The following NRDC variants were observed in gnomAD, a reference collection of about 807,000 sequenced individuals.
The protein encoded by NRDC is nardilysin.
Under a neutral mutation model 147.1 loss-of-function variants are expected in NRDC, and 54 were observed. The ratio of observed to expected loss-of-function variants is 0.37; its 90% CI spans 0.29 to 0.46. The LOEUF (loss-of-function observed/expected upper bound fraction) is 0.46, where lower values mean the gene tolerates loss of function less well. Among genes scored for constraint, NRDC ranks in the 20% least tolerant of loss-of-function variants. The probability of loss-of-function intolerance (pLI) is 1.00; values close to 1 mark genes in which losing one functional copy is unlikely to be tolerated. For synonymous variants in NRDC, 440 were observed against 482.1 expected, an observed-to-expected ratio of 0.91 and a Z score of 1.14; for missense variants, 1,082 against 1,370.6, an observed-to-expected ratio of 0.79 and a Z score of 3.33.
intron 1 of NRDC, among the ~76,000 whole-genome samples, chr1:51,842,651 CA>C (rs1000356374): frequency 6.6e-6 from 1 of 152,116 alleles, no homozygotes. Context: ...AAGCAAATCA[CA>C]AAAAAATACT....
At chr1:51,837,659 A>C (rs377376541) in intron 2 of NRDC, 1 of 1,457,602 alleles carries the variant, frequency 6.9e-7, no homozygotes, top group East Asian at 2.4e-5. Flanking sequence ...TTCTACCTAA[A>C]AAATTCAGAC....
intron 1 of NRDC, among the ~76,000 whole-genome samples, chr1:51,866,748 T>C (rs1175597611): frequency 6.6e-6 from 1 of 151,262 alleles, no homozygotes; most frequent in Non-Finnish European, 1.5e-5. Flanking sequence ...ATTTCTATAA[T>C]GCTTTAAAAC....
In NRDC at chr1:51,875,598, ACCC is replaced by A. The variant is rs1325479932; in HGVS notation, c.341+2674_341+2676del. On this transcript the variant is annotated intron_variant, in intron 1 of 30. Coordinates refer to ENST00000352171, the MANE Select transcript of NRDC (RefSeq NM_001101662.2). ...TTTTTTGAGACAGTGTCTCACTGCC[ACCC>A]AGGCTGGAGTGCAGTGGCACGATCA... 5.4e-3 allele frequency among the ~76,000 whole-genome samples: 821 copies of A among 152,228 alleles called. 2 individuals carry two copies. Among genetic ancestry groups the A allele is most frequent in the Non-Finnish European group, 8.6e-3 (583 of 68,016 alleles).
intron 24 of NRDC, among the ~76,000 whole-genome samples, chr1:51,793,750 C>T (rs961559902): frequency 2.6e-5 from 4 of 152,236 alleles, no homozygotes; most frequent in Non-Finnish European, 5.9e-5. Context: ...CCCAAGATAA[C>T]AGCAGCGGCT....
intron 1 of NRDC, among the ~76,000 whole-genome samples, chr1:51,851,475 A>G (rs1681944285): frequency 1.3e-5 from 2 of 151,744 alleles, no homozygotes; most frequent in Non-Finnish European, 2.9e-5. Flanking sequence ...GAGAAACACA[A>G]GTTCTATTTC....
chr1:51,862,159 T>A (rs751476646), intron 1 of NRDC: 6 of 152,334 alleles, frequency 3.9e-5, no homozygotes, highest in Non-Finnish European at 7.4e-5. Flanking sequence ...CTGGCATGGT[T>A]ATTTTCTTGG....
intron 14 of NRDC, among the ~76,000 whole-genome samples, chr1:51,812,961 C>CAAAA (rs5774107): frequency 4.2e-5 from 3 of 71,808 alleles, no homozygotes; most frequent in Admixed American, 1.9e-4. Flanking sequence ...GACTCTGTCT[C>CAAAA]AAAAAAAAAA....
intron 1 of NRDC, among the ~76,000 whole-genome samples, chr1:51,846,177 T>C (rs1412403692): frequency 6.6e-6 from 1 of 152,158 alleles, no homozygotes; most frequent in Non-Finnish European, 1.5e-5. Context: ...AGTGGTGCCG[T>C]CTCGGCTCAC....
intron 19 of NRDC, 40 bp from the exon 20 acceptor site, chr1:51,804,004 A>G (rs1679333388): frequency 1.3e-6 from 2 of 1,520,144 alleles, no homozygotes; most frequent in African/African-American, 2.8e-5. Context: ...TTAATTGGTA[A>G]GAAAGACACA....
At chr1:51,862,578 G>A (rs1459729459) in intron 1 of NRDC, among the ~76,000 whole-genome samples, 1 of 151,956 alleles carries the variant, frequency 6.6e-6, no homozygotes, top group Non-Finnish European at 1.5e-5. Context: ...TTTAAAATTA[G>A]CCCGAGGTGG....
In NRDC at chr1:51,794,493, A is replaced by G; in HGVS notation, c.2754T>C (p.Ser918=). Residue 918 remains serine, a synonymous_variant, in exon 24 of 31, where the codon TCT becomes TCC. Coordinates refer to ENST00000352171, the MANE Select transcript of NRDC (RefSeq NM_001101662.2). ...VKALNKGDAN[S]EVTVYYQSGT... ...TGACCTGGTAGTACACAGTGACTTC[A>G]GAGTTGGCATCACCCTTGTTCAGAG... is the stretch of plus-strand genomic sequence containing the variant. 1 of 1,614,196 alleles carries G rather than the reference A, an allele frequency of 6.2e-7. No individual in the cohort carries two copies. Among genetic ancestry groups the G allele is most frequent in the Non-Finnish European group, 8.5e-7 (1 of 1,180,014 alleles).
At chr1:51,832,793 C>A (rs1680777457) in intron 4 of NRDC, among the ~76,000 whole-genome samples, 2 of 152,204 alleles carry the variant, frequency 1.3e-5, no homozygotes, top group South Asian at 4.1e-4. Context: ...TCAGCAATTT[C>A]ACTGCTTAGA....
chr1:51,821,858 A>G (rs1680225400), intron 7 of NRDC, among the ~76,000 whole-genome samples: 1 of 152,206 alleles, frequency 6.6e-6, no homozygotes. Context: ...ACCAAGAGAT[A>G]AGATTATGCC....
chr1:51,821,818 T>C (rs1349947586), intron 7 of NRDC, among the ~76,000 whole-genome samples: 1 of 152,130 alleles, frequency 6.6e-6, no homozygotes, highest in East Asian at 1.9e-4. Flanking sequence ...AACAAAAAAA[T>C]ATATCTTTAG....
chr1:51,859,415 GT>G (rs1332065535), intron 1 of NRDC, among the ~76,000 whole-genome samples: 1 of 152,230 alleles, frequency 6.6e-6, no homozygotes, highest in African/African-American at 2.4e-5. Context: ...AGGTCTGGAT[GT>G]ATGCCCACAG....
intron 4 of NRDC, among the ~76,000 whole-genome samples, chr1:51,830,604 G>A (rs574477455): frequency 2.3e-4 from 35 of 152,250 alleles, no homozygotes; most frequent in African/African-American, 7.9e-4. Flanking sequence ...TAACTACTCA[G>A]GACGCCTCAT....
chr1:51,872,964 A>T (rs1388890234), intron 1 of NRDC, among the ~76,000 whole-genome samples: 45 of 152,142 alleles, frequency 3.0e-4, no homozygotes, highest in Admixed American at 2.9e-3. Flanking sequence ...AATCTCATGG[A>T]ATTTACACAC....
rs144109295 is a variant in NRDC at position 51,816,229 on chromosome 1, A to G, written c.1439+83T>C. Reference sequence around the variant, plus strand: ...TTCTAGGCTTCCTGGCAGCTAAAGTAAAAGAATGCATTATATAATACTTAT... The same window carrying G: ...TTCTAGGCTTCCTGGCAGCTAAAGTGAAAGAATGCATTATATAATACTTAT... On this transcript the variant is annotated intron_variant, in intron 11 of 30. Transcript: ENST00000352171. 8.9e-5 allele frequency: 65 copies of G among 728,018 alleles called. No individual in the cohort carries two copies. In the African/African-American group the frequency reaches 1.1e-3, roughly 12 times the overall value. The allele number at this position is 728,018 out of a possible 1,614,324, so 45.1% of individuals were successfully genotyped here.
chr1:51,836,944 CTT>C (rs201636652), intron 2 of NRDC, among the ~76,000 whole-genome samples: 227 of 128,104 alleles, frequency 1.8e-3, no homozygotes, highest in Middle Eastern at 4.0e-3. Context: ...ATGATTGGGA[CTT>C]TTTTTTTTTT....
Sources: allele counts gnomAD v4.1 joint callset (sites outside exome capture counted in the v4.1 genomes callset), GRCh38; gene constraint gnomAD v4.1.1; transcripts MANE v1.5; gene names NCBI Gene and HGNC (gene_info 2026-07-23, HGNC 2026-07-21).